TCEA1: variants seen among roughly 807,000 people sequenced by gnomAD.
TCEA1 encodes transcription elongation factor A1.
TCEA1 carries 21 observed loss-of-function variants against 43.8 expected under a neutral mutation model. The observed-to-expected ratio is 0.48, with a 90% CI of 0.34 to 0.69. The LOEUF is 0.69. Among genes scored for constraint, TCEA1 ranks in the 30% least tolerant of loss-of-function variants. The pLI is 0.01. For missense variants in TCEA1, 250 were observed against 365.1 expected (o/e 0.68, Z 2.57); for synonymous variants, 104 against 117.5 (o/e 0.88, Z 0.75).
chr8:53,983,690 A>G (rs1803591999), intron 7 of TCEA1, among the ~76,000 whole-genome samples: 3 of 152,186 alleles, frequency 2.0e-5, no homozygotes, highest in Non-Finnish European at 4.4e-5. Context: ...AGAAATAATC[A>G]ATATGATGTG....
intron 2 of TCEA1, chr8:54,003,008 C>T: frequency 2.2e-6 from 1 of 456,228 alleles, no homozygotes; most frequent in Non-Finnish European, 4.4e-6. Context: ...AGGAAACAAG[C>T]AGATTTGGTG....
intron 8 of TCEA1, among the ~76,000 whole-genome samples, chr8:53,977,434 A>G (rs1803367309): frequency 6.6e-6 from 1 of 152,262 alleles, no homozygotes; most frequent in African/African-American, 2.4e-5. Context: ...GGCCACAGGC[A>G]AAAGTGGGAA....
Position 54,022,232 on chromosome 8 carries a change from C to T in TCEA1, c.-107G>A. 3.8e-6 allele frequency: 5 copies of T among 1,303,026 alleles called. No homozygotes were observed. The South Asian group carries it at 4.9e-5, about 13-fold the overall frequency. 80.7% of individuals were successfully genotyped at this position (1,303,026 alleles called of 1,614,324 possible). ...ACCCCCGGCGCGCAGCAACCCCCAC[C>T]ACCGCAGGCCCGGGCCTAGGCCCCC... On this transcript the variant is annotated 5_prime_UTR_variant, in exon 1 of 10. Transcript: ENST00000521604.
chr8:53,987,846 A>T (rs1468349579), intron 5 of TCEA1, among the ~76,000 whole-genome samples: 1 of 152,202 alleles, frequency 6.6e-6, no homozygotes, highest in Non-Finnish European at 1.5e-5. Flanking sequence ...GTGAGAAAAA[A>T]GTGTACATTA....
chr8:54,006,254 G>A (rs1417358454), intron 2 of TCEA1, among the ~76,000 whole-genome samples: 3 of 152,080 alleles, frequency 2.0e-5, no homozygotes, highest in Non-Finnish European at 2.9e-5. Flanking sequence ...TAGAATTTAA[G>A]TTCAATGAGG....
intron 2 of TCEA1, among the ~76,000 whole-genome samples, chr8:54,002,245 G>A (rs561926864): frequency 2.8e-4 from 43 of 152,022 alleles, no homozygotes; most frequent in African/African-American, 1.0e-3. Flanking sequence ...GCCGAGGTGG[G>A]TGGATCACGA....
intron 1 of TCEA1, among the ~76,000 whole-genome samples, chr8:54,015,398 G>A (rs960709366): frequency 5.3e-5 from 8 of 152,050 alleles, no homozygotes; most frequent in African/African-American, 1.9e-4. Flanking sequence ...TTGAACTCCT[G>A]ACCTCGTGAT....
At chr8:54,010,282 T>C in intron 2 of TCEA1, 148 bp downstream of exon 2, 1 of 627,300 alleles carries the variant, frequency 1.6e-6, no homozygotes, top group Admixed American at 3.6e-5. Context: ...AGATTATTGA[T>C]TTATATTGCC....
chr8:54,006,500 A>T (rs890394583), intron 2 of TCEA1, among the ~76,000 whole-genome samples: 1 of 152,154 alleles, frequency 6.6e-6, no homozygotes, highest in Admixed American at 6.6e-5. Context: ...AAAACCTCGA[A>T]TGTTTGTTAT....
rs1803011840 is a variant in TCEA1 at position 53,967,200 on chromosome 8, A to G, written c.*904T>C. The G allele has an allele frequency of 4.9e-6, 1 of 204,158 alleles. No homozygotes were observed. The highest frequency in any genetic ancestry group is 7.6e-5 in the East Asian group (1 of 13,204). 12.6% of individuals were successfully genotyped at this position (204,158 alleles called of 1,614,324 possible). A position where few individuals can be genotyped will look rare whatever the true frequency, so the allele number is the denominator to read the frequency against. On this transcript the variant is annotated 3_prime_UTR_variant, in exon 10 of 10. Transcript: ENST00000521604. ...TAAGATTAATCCTTGGTCAGTATAG[A>G]TTTCCGAATCAAAATCTAGTCATGA...
intron 4 of TCEA1, chr8:53,993,441 A>C (rs1740166165): frequency 2.8e-6 from 1 of 358,730 alleles, no homozygotes; most frequent in Non-Finnish European, 5.0e-6. Flanking sequence ...AAACTTGTTG[A>C]GTACAATATA....
intron 8 of TCEA1, among the ~76,000 whole-genome samples, chr8:53,978,040 T>C (rs549261912): frequency 3.3e-5 from 5 of 152,206 alleles, no homozygotes; most frequent in African/African-American, 1.2e-4. Flanking sequence ...ATAGCTTTCA[T>C]AGTAACTATT....
intron 7 of TCEA1, among the ~76,000 whole-genome samples, chr8:53,981,680 GAGATTA>G (rs1803506742): frequency 6.6e-6 from 1 of 151,980 alleles, no homozygotes; most frequent in African/African-American, 2.4e-5. Flanking sequence ...GACATACAAG[GAGATTA>G]ATGTTATTTT....
At chr8:53,980,750 GTATTCAAGGACAAGGAAGAGTCA>G (rs1366007239) in intron 7 of TCEA1, among the ~76,000 whole-genome samples, 5 of 152,112 alleles carry the variant, frequency 3.3e-5, no homozygotes. Flanking sequence ...TGGCCTCTAA[GTATTCAAGGACAAGGAAGAGTCA>G]ACATGTCTCA....
At chr8:53,968,185 T>C (rs1585979090) in intron 9 of TCEA1, 73 bp from the exon 10 acceptor site, 1 of 1,132,522 alleles carries the variant, frequency 8.8e-7, no homozygotes, top group East Asian at 2.6e-5. Flanking sequence ...TAATACAGCA[T>C]ACACCTGATA....
chr8:53,972,416 G>T (rs1803184419), intron 8 of TCEA1: 1 of 545,198 alleles, frequency 1.8e-6, no homozygotes, highest in African/African-American at 1.9e-5. Context: ...AAGATGATAT[G>T]GCAGATTTGT....
chr8:54,020,354 A>T (rs7463527), intron 1 of TCEA1, among the ~76,000 whole-genome samples: 8,412 of 152,256 alleles, frequency 0.055, 748 homozygotes, highest in African/African-American at 0.19. Flanking sequence ...GGGCCATATC[A>T]ATGGGGAGGA....
At chr8:53,999,874 T>C in intron 3 of TCEA1, 71 bp downstream of exon 3, 1 of 1,089,270 alleles carries the variant, frequency 9.2e-7, no homozygotes, top group African/African-American at 1.6e-5. Flanking sequence ...TAACTAACCA[T>C]AAAATGTAAC....
At chr8:54,004,797 AACAT>A (rs34044954) in intron 2 of TCEA1, among the ~76,000 whole-genome samples, 29,573 of 151,756 alleles carry the variant, frequency 0.19, 4,162 homozygotes, top group East Asian at 0.73. Flanking sequence ...AAAAAAAAGA[AACAT>A]ACAGCTACGT....
Sources: allele counts gnomAD v4.1 joint callset (sites outside exome capture counted in the v4.1 genomes callset), GRCh38; gene constraint gnomAD v4.1.1; transcripts MANE v1.5; gene names NCBI Gene and HGNC (gene_info 2026-07-23, HGNC 2026-07-21).